WWOX: variants seen among roughly 807,000 people sequenced by gnomAD.
WWOX encodes the protein WW domain containing oxidoreductase, also known as WW domain-containing oxidoreductase.
A neutral mutation model predicts 46.2 loss-of-function variants in WWOX; 69 were observed. The ratio of observed to expected loss-of-function variants is 1.49; its 90% CI spans 1.23 to 1.82. WWOX has a LOEUF of 1.82. Among genes scored for constraint, WWOX ranks in the 40% most tolerant of loss-of-function variants. The probability of loss-of-function intolerance (pLI) is 0.00; values close to 1 mark genes in which losing one functional copy is unlikely to be tolerated. For synonymous variants in WWOX, 359 were observed against 202.6 expected (o/e 1.77, Z -6.56); for missense variants, 919 against 542.6 (o/e 1.69, Z -6.89).
intron 8 of WWOX, among the ~76,000 whole-genome samples, chr16:79,137,602 C>T (rs933520402): frequency 2.4e-4 from 37 of 152,276 alleles, no homozygotes; most frequent in African/African-American, 8.4e-4. Flanking sequence ...AACATGTTCA[C>T]CTTTGGCTCT....
At chr16:78,815,905 A>T (rs2051316634) in intron 8 of WWOX, among the ~76,000 whole-genome samples, 5 of 152,116 alleles carry the variant, frequency 3.3e-5, no homozygotes, top group Admixed American at 3.3e-4. Context: ...CAGGGCTCAG[A>T]GGTTCTCTCC....
At chr16:78,680,125 C>G (rs9925023) in intron 8 of WWOX, among the ~76,000 whole-genome samples, 17,679 of 152,252 alleles carry the variant, frequency 0.12, 1,212 homozygotes, top group East Asian at 0.22. Context: ...GAAAAGGTAT[C>G]TAGGCTGGGC....
chr16:79,076,504 A>G (rs941164394), intron 8 of WWOX, among the ~76,000 whole-genome samples: 3 of 152,212 alleles, frequency 2.0e-5, no homozygotes, highest in African/African-American at 7.2e-5. Context: ...TGTCCGGTGC[A>G]TCCTCCGTGC....
chr16:79,033,897 T>G (rs1429073670), intron 8 of WWOX, among the ~76,000 whole-genome samples: 2 of 152,202 alleles, frequency 1.3e-5, no homozygotes, highest in Non-Finnish European at 2.9e-5. Context: ...TGTCGCACCA[T>G]CAAACAGGCA....
chr16:78,493,696 G>A (rs998042223), intron 8 of WWOX, among the ~76,000 whole-genome samples: 2 of 152,070 alleles, frequency 1.3e-5, no homozygotes, highest in African/African-American at 2.4e-5. Context: ...TTCTGAATAC[G>A]TTACGTAAAT....
At chr16:78,729,962 A>AC (rs2048930190) in intron 8 of WWOX, among the ~76,000 whole-genome samples, 1 of 152,152 alleles carries the variant, frequency 6.6e-6, no homozygotes, top group Non-Finnish European at 1.5e-5. Flanking sequence ...CGAAGGTCAT[A>AC]GTTTCCTCAT....
chr16:78,355,770 T>A (rs965057452), intron 5 of WWOX: 5 of 698,266 alleles, frequency 7.2e-6, no homozygotes, highest in Non-Finnish European at 1.3e-5. Context: ...AAACAGAATA[T>A]TCCAGTGTTC....
At chr16:78,580,527 G>A (rs1027716197) in intron 8 of WWOX, among the ~76,000 whole-genome samples, 2 of 152,152 alleles carry the variant, frequency 1.3e-5, no homozygotes, top group African/African-American at 4.8e-5. Flanking sequence ...GTCCCATCAC[G>A]AACAAATTGC....
chr16:78,184,047 C>T (rs1179748156), intron 5 of WWOX, among the ~76,000 whole-genome samples: 2 of 152,146 alleles, frequency 1.3e-5, no homozygotes, highest in Non-Finnish European at 2.9e-5. Context: ...TCCCCCGTTG[C>T]TCTCTGTGTG....
intron 8 of WWOX, among the ~76,000 whole-genome samples, chr16:79,167,804 T>C (rs1361815200): frequency 6.6e-6 from 1 of 152,218 alleles, no homozygotes; most frequent in African/African-American, 2.4e-5. Context: ...CAGTGGCATT[T>C]AGTGAACTCA....
At chr16:78,806,254 C>T (rs986381446) in intron 8 of WWOX, among the ~76,000 whole-genome samples, 1 of 152,164 alleles carries the variant, frequency 6.6e-6, no homozygotes, top group Non-Finnish European at 1.5e-5. Context: ...AACCCATTTT[C>T]TGGCCATTTG....
At chr16:78,671,526 T>C (rs1486501926) in intron 8 of WWOX, among the ~76,000 whole-genome samples, 1 of 152,224 alleles carries the variant, frequency 6.6e-6, no homozygotes, top group Non-Finnish European at 1.5e-5. Flanking sequence ...GTTTAGCTTA[T>C]TTAGTACAAC....
At chr16:79,136,947 C>T (rs1308893410) in intron 8 of WWOX, among the ~76,000 whole-genome samples, 1 of 152,168 alleles carries the variant, frequency 6.6e-6, no homozygotes, top group African/African-American at 2.4e-5. Flanking sequence ...TAATCCTCCC[C>T]CTATCTTACA....
At chr16:78,687,470 C>A (rs905756927) in intron 8 of WWOX, among the ~76,000 whole-genome samples, 5 of 152,188 alleles carry the variant, frequency 3.3e-5, no homozygotes, top group African/African-American at 1.2e-4. Flanking sequence ...CATTTGGAGA[C>A]AGACACCATT....
At chr16:78,624,284 A>G (rs1049791384) in intron 8 of WWOX, among the ~76,000 whole-genome samples, 3 of 150,574 alleles carry the variant, frequency 2.0e-5, no homozygotes, top group Non-Finnish European at 2.9e-5. Context: ...GGTAAAGGAC[A>G]TGTATTTCCA....
In WWOX at chr16:78,784,716, G is replaced by C. The variant is rs944145186; in HGVS notation, c.1056+351964G>C. On this transcript the variant is annotated intron_variant, in intron 8 of 8. Transcript: ENST00000566780. ...CTGTTTTAGCTGCCCCCAGTCAGGT[G>C]GTTGATGAGTTGGGGAGCCTGGTGG... is the stretch of plus-strand genomic sequence containing the variant. Among the ~76,000 whole-genome samples, 30 of 152,160 alleles carry C rather than the reference G, an allele frequency of 2.0e-4. 1 individual carries two copies. The highest frequency in any genetic ancestry group is 2.0e-3 in the Admixed American group (30 of 15,278).
chr16:79,056,537 C>A (rs534087907), intron 8 of WWOX, among the ~76,000 whole-genome samples: 20 of 152,268 alleles, frequency 1.3e-4, no homozygotes, highest in Middle Eastern at 3.4e-3. Context: ...GCACTGCCAA[C>A]ATGTGGGGTT....
At chr16:78,608,482 GT>G in intron 8 of WWOX, among the ~76,000 whole-genome samples, 1 of 152,204 alleles carries the variant, frequency 6.6e-6, no homozygotes. Context: ...TGGCCACAGT[GT>G]TTTCCCTTTC....
intron 8 of WWOX, among the ~76,000 whole-genome samples, chr16:78,686,510 C>G (rs1049708576): frequency 6.9e-6 from 1 of 144,630 alleles, no homozygotes; most frequent in Admixed American, 6.9e-5. Flanking sequence ...GACTCCCTGT[C>G]AAAAAAAAAA....
Sources: gnomAD v4.1 joint callset for allele counts (sites outside exome capture counted in the v4.1 genomes callset) on GRCh38, gnomAD v4.1.1 for gene constraint, MANE v1.5 for transcripts, NCBI Gene and HGNC (gene_info 2026-07-23, HGNC 2026-07-21) for gene names.